Variants in SV2C observed in about 807,000 individuals in gnomAD.
SV2C encodes the protein synaptic vesicle glycoprotein 2C, also known as solute carrier family 22 member B3.
Under a neutral mutation model 79.7 loss-of-function variants are expected in SV2C, and 49 were observed. The ratio of observed to expected loss-of-function variants is 0.61; its 90% CI spans 0.49 to 0.78. The LOEUF is 0.78. SV2C is among the 30% of genes least tolerant of loss of function. The probability of loss-of-function intolerance (pLI) is 0.00; values close to 1 mark genes in which losing one functional copy is unlikely to be tolerated. For missense variants in SV2C, 833 were observed against 912.9 expected, an observed-to-expected ratio of 0.91 and a Z score of 1.13; for synonymous variants, 334 against 333.2, an observed-to-expected ratio of 1.00 and a Z score of -0.03.
At chr5:76,260,988 T>C (rs1405916062) in intron 4 of SV2C, among the ~76,000 whole-genome samples, 1 of 152,192 alleles carries the variant, frequency 6.6e-6, no homozygotes, top group Non-Finnish European at 1.5e-5. Context: ...AGAAAGTCGA[T>C]GGTAGCTTAA....
rs182020633 is a variant in SV2C, at chr5:76,252,891, G to A, written c.914-32271G>A. 1.8e-3 allele frequency among the ~76,000 whole-genome samples: 281 copies of A among 152,234 alleles called. 2 individuals are homozygous for A. Among genetic ancestry groups the A allele is most frequent in the African/African-American group, 6.1e-3 (254 of 41,522 alleles). On this transcript the variant is annotated intron_variant, in intron 4 of 12. Coordinates refer to ENST00000502798, the MANE Select transcript of SV2C (RefSeq NM_014979.4). Reference sequence around the variant, plus strand: ...GTAATATTCATCCATGGATACATGAGCCAATTGGGGAAAAAACCCTCCACT... The same window carrying A: ...GTAATATTCATCCATGGATACATGAACCAATTGGGGAAAAAACCCTCCACT...
rs1561252115 is a variant in SV2C at position 76,179,779 on chromosome 5, C to T, written c.581-15140C>T. ...GTAGATCCCGCTATTTATTCACTCA[C>T]TGCTCTGGGCTGACAACTTAGGTGT... On this transcript the variant is annotated intron_variant, in intron 2 of 12. Transcript: ENST00000502798. 2.6e-5 allele frequency among the ~76,000 whole-genome samples: 4 copies of T among 152,238 alleles called. No individual in the cohort carries two copies. In the South Asian group the frequency reaches 6.2e-4, roughly 24 times the overall value.
chr5:75,938,282 A>G, the SV2C span, among the ~76,000 whole-genome samples: 84,927 of 151,994 alleles, frequency 0.56, 24,367 homozygotes, highest in African/African-American at 0.69. Context: ...GGTACTATGC[A>G]AGATGAGAAC....
At chr5:76,112,685 A>G (rs1472945008) in intron 1 of SV2C, among the ~76,000 whole-genome samples, 1 of 152,242 alleles carries the variant, frequency 6.6e-6, no homozygotes, top group Non-Finnish European at 1.5e-5. Flanking sequence ...GGTAAAGAGT[A>G]GTGGAAGTGG....
intron 1 of SV2C, among the ~76,000 whole-genome samples, chr5:76,093,611 T>C (rs1269990994): frequency 2.0e-5 from 3 of 152,182 alleles, no homozygotes; most frequent in African/African-American, 7.2e-5. Context: ...ATCCTCCAAA[T>C]ATGAACTCAT....
At chr5:76,085,120 C>T (rs1480873809) in intron 1 of SV2C, among the ~76,000 whole-genome samples, 1 of 152,194 alleles carries the variant, frequency 6.6e-6, no homozygotes, top group Non-Finnish European at 1.5e-5. Context: ...AAGAATGTGG[C>T]ATTAATCTCT....
chr5:76,029,347 ATGT>A, the SV2C span, among the ~76,000 whole-genome samples: 1 of 152,172 alleles, frequency 6.6e-6, no homozygotes, highest in African/African-American at 2.4e-5. Flanking sequence ...CTAACTGAAA[ATGT>A]TGTGTTCTTT....
intron 2 of SV2C, among the ~76,000 whole-genome samples, chr5:76,164,878 A>G (rs1431773066): frequency 6.6e-6 from 1 of 152,090 alleles, no homozygotes; most frequent in East Asian, 1.9e-4. Flanking sequence ...AGCATTTGCA[A>G]ATAACCCACC....
Position 76,223,444 on chromosome 5 carries a change from C to CATAT in SV2C, c.913+13606_913+13609dup, listed in dbSNP as rs70979384. 6.6e-3 allele frequency among the ~76,000 whole-genome samples: 299 copies of CATAT among 45,554 alleles called. 2 individuals carry two copies. The highest frequency in any genetic ancestry group is 9.2e-3 in the Non-Finnish European group (234 of 25,366). 29.9% of individuals were successfully genotyped at this position (45,554 alleles called of 152,430 possible). ...CCCTGTCTCTTTATATACATACATA[C>CATAT]ATATATATATATATATATATATATA... On this transcript the variant is annotated intron_variant, in intron 4 of 12. Transcript: ENST00000502798.
chr5:76,259,076 A>G (rs903344474), intron 4 of SV2C, among the ~76,000 whole-genome samples: 1 of 152,132 alleles, frequency 6.6e-6, no homozygotes, highest in African/African-American at 2.4e-5. Context: ...GTTGTTTCCA[A>G]TTTTTTGTGG....
In SV2C at chr5:76,330,864, C is replaced by CG. The variant is rs1238120433; in HGVS notation, c.*5324dup. 1.7e-3 allele frequency: 20 copies of CG among 12,034 alleles called. 1 individual carries two copies. Among genetic ancestry groups the CG allele is most frequent in the African/African-American group, 3.1e-3 (12 of 3,870 alleles). The allele number at this position is 12,034 out of a possible 1,614,324, so 0.7% of individuals were successfully genotyped here. The stretch of plus-strand genomic sequence containing the variant: ...AGAGCATTTTTTTTTTTTTTTTGGG[C>CG]GGGGGGGCGGGGGACGGAGTCTCGC... On this transcript the variant is annotated 3_prime_UTR_variant, in exon 13 of 13. Transcript: ENST00000502798.
In SV2C at chr5:76,301,489, C is replaced by T. The variant is rs1186777073; in HGVS notation, c.1944C>T (p.Ile648=). ...GMLCLYNGLT[I]SAWNSLDVVT... ...TGTGTCTGTACAATGGATTGACCAT[C>T]TCAGCCTGGAACTCTCTTGACGTGG... Residue 648 remains isoleucine, a synonymous_variant, in exon 12 of 13, where the codon ATC becomes ATT. Coordinates refer to ENST00000502798, the MANE Select transcript of SV2C (RefSeq NM_014979.4). 6.2e-7 allele frequency: 1 copy of T among 1,614,082 alleles called. No individual in the cohort carries two copies. The highest frequency in any genetic ancestry group is 2.2e-5 in the East Asian group (1 of 44,874).
the SV2C span, among the ~76,000 whole-genome samples, chr5:75,947,384 C>T: frequency 1.3e-3 from 200 of 152,132 alleles, 1 homozygote; most frequent in African/African-American, 4.3e-3. Context: ...TCATTCAGCA[C>T]ACTCTCCCTA....
the SV2C span, among the ~76,000 whole-genome samples, chr5:75,975,162 T>C: frequency 6.6e-6 from 1 of 152,174 alleles, no homozygotes; most frequent in Non-Finnish European, 1.5e-5. Context: ...ATAGCACTTC[T>C]GTGGTATTGC....
At chr5:76,263,518 T>C (rs188528014) in intron 4 of SV2C, among the ~76,000 whole-genome samples, 1 of 152,168 alleles carries the variant, frequency 6.6e-6, no homozygotes, top group East Asian at 1.9e-4. Flanking sequence ...GATGCTAGCT[T>C]GTTATGTTGC....
the SV2C span, among the ~76,000 whole-genome samples, chr5:76,037,725 T>A: frequency 6.6e-6 from 1 of 152,190 alleles, no homozygotes; most frequent in Non-Finnish European, 1.5e-5. Flanking sequence ...CCCCCAGAGG[T>A]GGAGCCTACA....
At chr5:75,864,728 T>A in the SV2C span, among the ~76,000 whole-genome samples, 1 of 152,216 alleles carries the variant, frequency 6.6e-6, no homozygotes, top group Non-Finnish European at 1.5e-5. Flanking sequence ...GCCAGAATAA[T>A]TCCTTCAAAG....
intron 4 of SV2C, among the ~76,000 whole-genome samples, chr5:76,211,926 A>T (rs1744779630): frequency 6.6e-6 from 1 of 152,196 alleles, no homozygotes; most frequent in Non-Finnish European, 1.5e-5. Flanking sequence ...ACTTGGCCTG[A>T]AGAGAACTTC....
the SV2C span, chr5:75,910,879 G>A: frequency 9.7e-7 from 1 of 1,034,064 alleles, no homozygotes; most frequent in Non-Finnish European, 1.5e-6. Flanking sequence ...ATGAGATGAT[G>A]AGCAAACTGC....
Sources: gnomAD v4.1 joint callset for allele counts (sites outside exome capture counted in the v4.1 genomes callset) on GRCh38, gnomAD v4.1.1 for gene constraint, MANE v1.5 for transcripts, NCBI Gene and HGNC (gene_info 2026-07-23, HGNC 2026-07-21) for gene names.